LGR5: variants seen among roughly 807,000 people sequenced by gnomAD.
The protein encoded by LGR5 is leucine rich repeat containing G protein-coupled receptor 5.
In LGR5, 54 loss-of-function variants were observed where a neutral mutation model predicts 76.7. The ratio of observed to expected loss-of-function variants is 0.70; its 90% CI spans 0.57 to 0.88. LGR5 has a LOEUF of 0.88. Among genes scored for constraint, LGR5 ranks in the 40% least tolerant of loss-of-function variants. The pLI is 0.00. For synonymous variants in LGR5, 406 were observed against 421.9 expected (o/e 0.96, Z 0.46); for missense variants, 1,078 against 1,073.3 (o/e 1.00, Z -0.06).
intron 2 of LGR5, among the ~76,000 whole-genome samples, chr12:71,519,313 C>T (rs531878659): frequency 2.2e-4 from 33 of 152,304 alleles, no homozygotes; most frequent in Admixed American, 7.8e-4. Flanking sequence ...AATAATAGCA[C>T]GTCACCGCCA....
At chr12:71,534,098 A>T (rs1876463265) in intron 3 of LGR5, among the ~76,000 whole-genome samples, 1 of 152,160 alleles carries the variant, frequency 6.6e-6, no homozygotes, top group South Asian at 2.1e-4. Context: ...AAGTAGAAAT[A>T]TTTCTTTAAA....
chr12:71,539,923 A>G (rs931940603), intron 4 of LGR5, among the ~76,000 whole-genome samples: 3 of 152,228 alleles, frequency 2.0e-5, no homozygotes, highest in Non-Finnish European at 2.9e-5. Context: ...ATGACTTCCC[A>G]GACACCAATT....
At chr12:71,564,667 A>ACG (rs1878227705) in intron 8 of LGR5, among the ~76,000 whole-genome samples, 3 of 147,110 alleles carry the variant, frequency 2.0e-5, no homozygotes, top group Admixed American at 6.9e-5. Flanking sequence ...ATATGTACAC[A>ACG]CACTGTATAT....
chr12:71,550,314 C>T (rs1877414286), intron 4 of LGR5, among the ~76,000 whole-genome samples: 1 of 151,246 alleles, frequency 6.6e-6, no homozygotes, highest in African/African-American at 2.4e-5. Flanking sequence ...CCACACCCAC[C>T]TAATTTTTGT....
rs528470867 is a variant in LGR5, at chr12:71,537,634, T to C, written c.428+2448T>C. 2.6e-5 allele frequency among the ~76,000 whole-genome samples: 4 copies of C among 152,322 alleles called. No individual in the cohort carries two copies. In the East Asian group the frequency reaches 7.7e-4, roughly 29 times the overall value. ...GGTATATTGTGCCCCTTTAAAGTTC[T>C]ATTGTCCTGGTTTTAAAGTATTTAA... On this transcript the variant is annotated intron_variant, in intron 4 of 17. Transcript: ENST00000266674.
chr12:71,446,015 C>T (rs1453106635), intron 1 of LGR5, among the ~76,000 whole-genome samples: 1 of 152,114 alleles, frequency 6.6e-6, no homozygotes, highest in East Asian at 1.9e-4. Flanking sequence ...AGGGCTTATT[C>T]TTCTTCTTTG....
At chr12:71,480,856 C>A (rs780384844) in intron 1 of LGR5, among the ~76,000 whole-genome samples, 1 of 152,098 alleles carries the variant, frequency 6.6e-6, no homozygotes, top group Non-Finnish European at 1.5e-5. Flanking sequence ...TACATTAGGG[C>A]GTTAAGGCCA....
chr12:71,574,999 A>G (rs895198573), intron 13 of LGR5, among the ~76,000 whole-genome samples: 1 of 152,158 alleles, frequency 6.6e-6, no homozygotes, highest in Non-Finnish European at 1.5e-5. Context: ...TGGCTTTTTT[A>G]TTATTTGCTT....
chr12:71,522,880 G>C (rs1044229535), intron 2 of LGR5, among the ~76,000 whole-genome samples: 1 of 152,136 alleles, frequency 6.6e-6, no homozygotes, highest in Non-Finnish European at 1.5e-5. Context: ...GGAAAGCAAA[G>C]CTCAGCAATA....
intron 1 of LGR5, among the ~76,000 whole-genome samples, chr12:71,451,413 C>A (rs1279959853): frequency 6.6e-6 from 1 of 152,196 alleles, no homozygotes; most frequent in Non-Finnish European, 1.5e-5. Flanking sequence ...GCTCTCTTCT[C>A]TCCAGCCATT....
chr12:71,485,447 T>C (rs1046350727), intron 1 of LGR5, among the ~76,000 whole-genome samples: 3 of 152,184 alleles, frequency 2.0e-5, no homozygotes, highest in African/African-American at 7.2e-5. Flanking sequence ...CTAGGTACAG[T>C]GGCTCATGCC....
intron 11 of LGR5, among the ~76,000 whole-genome samples, chr12:71,569,605 G>A (rs1245727887): frequency 6.6e-6 from 1 of 152,172 alleles, no homozygotes; most frequent in Non-Finnish European, 1.5e-5. Context: ...AAACCACAAT[G>A]AGATACCATC....
intron 1 of LGR5, among the ~76,000 whole-genome samples, chr12:71,493,144 T>A (rs1874151600): frequency 6.6e-6 from 1 of 151,408 alleles, no homozygotes; most frequent in African/African-American, 2.5e-5. Context: ...GTATACATAG[T>A]TGAATAACGG....
intron 17 of LGR5, 25 bp from the exon 18 acceptor site, chr12:71,583,622 A>G (rs773344249): frequency 1.9e-6 from 3 of 1,579,540 alleles, no homozygotes; most frequent in Admixed American, 1.8e-5. Context: ...TTGATACTCA[A>G]TCTTTGCCTT....
intron 4 of LGR5, among the ~76,000 whole-genome samples, chr12:71,552,521 C>T (rs902602250): frequency 6.6e-6 from 1 of 150,750 alleles, no homozygotes; most frequent in South Asian, 2.1e-4. Context: ...GCCGAGATCG[C>T]GCCATTGCAC....
chr12:71,482,236 G>A (rs557107504), intron 1 of LGR5, among the ~76,000 whole-genome samples: 9 of 152,316 alleles, frequency 5.9e-5, no homozygotes, highest in African/African-American at 2.2e-4. Flanking sequence ...GGCAATGTAT[G>A]TATTAGTTTG....
chr12:71,569,878 A>T (rs1878521721), intron 11 of LGR5, among the ~76,000 whole-genome samples: 3 of 152,246 alleles, frequency 2.0e-5, no homozygotes, highest in Admixed American at 1.3e-4. Context: ...TTGAAGCACT[A>T]TTCACAGTAG....
chr12:71,455,368 T>C (rs566557306), intron 1 of LGR5, among the ~76,000 whole-genome samples: 19 of 152,232 alleles, frequency 1.2e-4, no homozygotes, highest in Admixed American at 1.1e-3. Context: ...CAGCTTGACA[T>C]TGTGTGTATT....
At chr12:71,567,096 G>C in intron 11 of LGR5, 184 bp downstream of exon 11, 1 of 590,808 alleles carries the variant, frequency 1.7e-6, no homozygotes, top group Admixed American at 2.9e-5. Context: ...GGTAACAAAT[G>C]GTAATGTACC....
Sources: gnomAD v4.1 joint callset for allele counts (sites outside exome capture counted in the v4.1 genomes callset) on GRCh38, gnomAD v4.1.1 for gene constraint, MANE v1.5 for transcripts, NCBI Gene and HGNC (gene_info 2026-07-23, HGNC 2026-07-21) for gene names.